SH3RF3: variants seen among roughly 807,000 people sequenced by gnomAD.
SH3RF3 encodes E3 ubiquitin-protein ligase SH3RF3.
A neutral mutation model predicts 66.3 loss-of-function variants in SH3RF3; 29 were observed. The ratio of observed to expected loss-of-function variants is 0.44; its 90% CI spans 0.33 to 0.60. SH3RF3 has a LOEUF of 0.60. Among genes scored for constraint, SH3RF3 ranks in the 20% least tolerant of loss-of-function variants. SH3RF3 has a pLI of 0.04. For missense variants in SH3RF3, 1,194 were observed against 1,190.9 expected (o/e 1.00, Z -0.04); for synonymous variants, 583 against 532.0 (o/e 1.10, Z -1.32).
rs556351606 is a variant in SH3RF3 at position 109,469,703 on chromosome 2, A to G, written c.2148+20214A>G. 5.9e-5 allele frequency among the ~76,000 whole-genome samples: 9 copies of G among 152,332 alleles called. No individual in the cohort carries two copies. The East Asian group carries it at 1.5e-3, about 26-fold the overall frequency. ...CCAGAAACCCAACAAGCAAATAGTA[A>G]TAAGTCTGGCAGAACGCTGAAAAGC... On this transcript the variant is annotated intron_variant, in intron 8 of 9. Coordinates refer to ENST00000309415, the MANE Select transcript of SH3RF3 (RefSeq NM_001099289.3).
chr2:109,434,196 C>T (rs536337109), intron 6 of SH3RF3, among the ~76,000 whole-genome samples: 23 of 152,354 alleles, frequency 1.5e-4, no homozygotes, highest in East Asian at 1.4e-3. Flanking sequence ...TCCAGGAAGG[C>T]GCAGCCTGAG....
chr2:109,226,276 G>A (rs1237595050), intron 1 of SH3RF3, among the ~76,000 whole-genome samples: 1 of 152,264 alleles, frequency 6.6e-6, no homozygotes, highest in East Asian at 1.9e-4. Context: ...GTTAATGTAA[G>A]AGTAGTTATG....
In SH3RF3 at chr2:109,216,656, G is replaced by A. The variant is rs143993222; in HGVS notation, c.573+86543G>A. Among the ~76,000 whole-genome samples, 584 of 152,342 alleles carry A rather than the reference G, an allele frequency of 3.8e-3. 2 individuals are homozygous for A. The highest frequency in any genetic ancestry group is 6.0e-3 in the Non-Finnish European group (406 of 68,024). On this transcript the variant is annotated intron_variant, in intron 1 of 9. Coordinates refer to ENST00000309415, the MANE Select transcript of SH3RF3 (RefSeq NM_001099289.3). Reference sequence around the variant, plus strand: ...TGGGTGCCCACCCTGCATGCTCACTGGAACCTCCTGCCCTCTCTAGCCAGT... The same window carrying A: ...TGGGTGCCCACCCTGCATGCTCACTAGAACCTCCTGCCCTCTCTAGCCAGT...
intron 1 of SH3RF3, among the ~76,000 whole-genome samples, chr2:109,285,102 C>T (rs1355853816): frequency 6.6e-6 from 1 of 152,224 alleles, no homozygotes; most frequent in Admixed American, 6.5e-5. Flanking sequence ...CACCCCTTAG[C>T]CCAGTCTGGA....
intron 1 of SH3RF3, among the ~76,000 whole-genome samples, chr2:109,160,626 A>G (rs942841546): frequency 1.3e-5 from 2 of 152,176 alleles, no homozygotes; most frequent in African/African-American, 4.8e-5. Context: ...GAAAAGCTAC[A>G]TGAGGCCCAC....
Position 109,432,575 on chromosome 2 carries a change from TC to T in SH3RF3, c.1480del (p.Leu494SerfsTer14). 1 of 1,613,596 alleles carries T rather than the reference TC, an allele frequency of 6.2e-7. No homozygotes were observed. The highest frequency in any genetic ancestry group is 8.5e-7 in the Non-Finnish European group (1 of 1,179,784). On this transcript the variant is annotated frameshift_variant, in exon 6 of 10. Transcript: ENST00000309415. LOFTEE classifies it high-confidence loss of function. ...LELHKGEMYR[V>X]LEKCQDGWFK... ...CTGCACAAGGGAGAGATGTACCGGG[TC>T]CTCGAGAAGTGTCAGGATGGCTGGT...
intron 1 of SH3RF3, among the ~76,000 whole-genome samples, chr2:109,324,950 G>C (rs12105777): frequency 6.6e-6 from 1 of 152,200 alleles, no homozygotes; most frequent in African/African-American, 2.4e-5. Context: ...GTAATGACTA[G>C]TATAGACAAA....
intron 1 of SH3RF3, among the ~76,000 whole-genome samples, chr2:109,306,256 C>T (rs979114926): frequency 1.3e-5 from 2 of 152,130 alleles, no homozygotes; most frequent in East Asian, 1.9e-4. Context: ...GCAGTGGGGC[C>T]GGGATGAGGG....
intron 1 of SH3RF3, among the ~76,000 whole-genome samples, chr2:109,187,012 G>C (rs373044651): frequency 6.7e-6 from 1 of 149,734 alleles, no homozygotes; most frequent in African/African-American, 2.4e-5. Context: ...AGGCGGAGCT[G>C]GGCCTAGCCC....
intron 1 of SH3RF3, among the ~76,000 whole-genome samples, chr2:109,235,294 T>G (rs1451542858): frequency 2.0e-5 from 3 of 152,188 alleles, no homozygotes; most frequent in Admixed American, 6.5e-5. Context: ...TGCAAGGTCT[T>G]TCTTCTCCCC....
chr2:109,428,545 C>T (rs1027792975), intron 5 of SH3RF3, among the ~76,000 whole-genome samples: 2 of 152,240 alleles, frequency 1.3e-5, no homozygotes, highest in African/African-American at 4.8e-5. Context: ...ACACCTGCCG[C>T]GGCCACTTCT....
chr2:109,363,702 G>T (rs1347101846), intron 2 of SH3RF3, among the ~76,000 whole-genome samples: 2 of 152,108 alleles, frequency 1.3e-5, no homozygotes, highest in Non-Finnish European at 2.9e-5. Flanking sequence ...CTTTATTCAT[G>T]CTTCACTTTT....
At chr2:109,465,927 C>G (rs1165065964) in intron 8 of SH3RF3, among the ~76,000 whole-genome samples, 1 of 152,142 alleles carries the variant, frequency 6.6e-6, no homozygotes, top group Non-Finnish European at 1.5e-5. Flanking sequence ...GGATCCGTCC[C>G]CACGATCCAG....
intron 1 of SH3RF3, among the ~76,000 whole-genome samples, chr2:109,269,793 A>T (rs928786145): frequency 7.2e-5 from 11 of 152,108 alleles, no homozygotes; most frequent in African/African-American, 2.7e-4. Flanking sequence ...GGAACTGAAG[A>T]TAGTTACCAA....
At chr2:109,486,962 G>A (rs1458126786) in intron 8 of SH3RF3, among the ~76,000 whole-genome samples, 3 of 152,190 alleles carry the variant, frequency 2.0e-5, no homozygotes, top group Admixed American at 6.5e-5. Context: ...TGAACTGATT[G>A]GAGCCTGGCC....
chr2:109,210,896 A>G (rs994338658), intron 1 of SH3RF3, among the ~76,000 whole-genome samples: 1 of 151,438 alleles, frequency 6.6e-6, no homozygotes, highest in Non-Finnish European at 1.5e-5. Flanking sequence ...GGAAAACACA[A>G]CCCCACTTGA....
chr2:109,284,920 A>G (rs1680992426), intron 1 of SH3RF3, among the ~76,000 whole-genome samples: 1 of 152,230 alleles, frequency 6.6e-6, no homozygotes, highest in African/African-American at 2.4e-5. Flanking sequence ...TGCTTCCCTG[A>G]TGACAGAGTT....
chr2:109,301,886 G>C (rs1681477335), intron 1 of SH3RF3, among the ~76,000 whole-genome samples: 1 of 152,184 alleles, frequency 6.6e-6, no homozygotes, highest in Non-Finnish European at 1.5e-5. Context: ...GTTCTCAAGG[G>C]TGTTGGCCTA....
chr2:109,340,895 TAAA>T (rs1163694409), intron 1 of SH3RF3, among the ~76,000 whole-genome samples: 1 of 151,308 alleles, frequency 6.6e-6, no homozygotes, highest in Non-Finnish European at 1.5e-5. Context: ...CTGGGAAAAG[TAAA>T]AAAAGGAAGA....
Sources: gnomAD v4.1 joint callset for allele counts (sites outside exome capture counted in the v4.1 genomes callset) on GRCh38, gnomAD v4.1.1 for gene constraint, MANE v1.5 for transcripts, NCBI Gene and HGNC (gene_info 2026-07-23, HGNC 2026-07-21) for gene names.